Variants in PTCH2 observed in about 807,000 individuals in gnomAD.
PTCH2 encodes the protein patched 2, also known as protein patched homolog 2.
Under a neutral mutation model 117.9 loss-of-function variants are expected in PTCH2, and 96 were observed. The ratio of observed to expected loss-of-function variants is 0.81; its 90% CI spans 0.69 to 0.96. The LOEUF is 0.96. PTCH2 is among the 50% of genes least tolerant of loss of function. The pLI is 0.00. For missense variants in PTCH2, 1,379 were observed against 1,562.5 expected, an observed-to-expected ratio of 0.88 and a Z score of 1.98; for synonymous variants, 615 against 660.9, an observed-to-expected ratio of 0.93 and a Z score of 1.06.
chr1:44,821,794 A>T, downstream of PTCH2: 1 of 1,340,600 alleles, frequency 7.5e-7, no homozygotes, highest in Non-Finnish European at 9.9e-7. Flanking sequence ...ATATGACAAA[A>T]ATCCAGAATC....
Position 44,830,929 on chromosome 1 carries a change from G to A in PTCH2, c.732C>T (p.Gly244=), listed in dbSNP as rs768300339. The A allele has an allele frequency of 5.9e-5, 94 of 1,601,682 alleles. No individual in the cohort carries two copies. The South Asian group carries it at 9.7e-4, about 17-fold the overall frequency. The change falls in exon 6 of 22, where the codon GGC becomes GGT. Residue 244 remains glycine, a synonymous_variant. Coordinates refer to ENST00000372192, the MANE Select transcript of PTCH2 (RefSeq NM_003738.5). ...FRELLDKAQV[G]QAYVGRPCLH... ...GACAGGGCCGCCCCACGTAGGCCTGGCCCACCTGTGCCTTGTCTAGCAGCT... is the reference window on the plus strand; with the variant it reads ...GACAGGGCCGCCCCACGTAGGCCTGACCCACCTGTGCCTTGTCTAGCAGCT...
chr1:44,828,183 G>A lies in PTCH2; in HGVS notation c.1718C>T (p.Ser573Phe), dbSNP rs561039899. 7.6e-5 allele frequency: 122 copies of A among 1,613,590 alleles called. 1 individual carries two copies. In the South Asian group the frequency reaches 1.3e-3, roughly 17 times the overall value. Reference sequence around the variant, plus strand: ...GGGCAGGATCTGAATCACCTGAGCAGAGCAGGGACTGGAAGAGGTAGAGAG... The same window carrying A: ...GGGCAGGATCTGAATCACCTGAGCAAAGCAGGGACTGGAAGAGGTAGAGAG... ...DVLCCFSSPC[S>F]AQVIQILPQE... The change falls in exon 14 of 22, where the codon TCT becomes TTT. Residue 573 changes from serine (S) to phenylalanine (F), a missense_variant. By Grantham distance (155) the Ser-to-Phe change is radical. Coordinates refer to ENST00000372192, the MANE Select transcript of PTCH2 (RefSeq NM_003738.5).
rs1180428685 is a variant in PTCH2, at chr1:44,826,480, GCACT to G, written c.2976+4_2976+7del. ...GGTGTCTCTGTCCCCACTCCTGCAA[GCACT>G]CACTATGAGGCCAGCCGTCCAGGGG... On this transcript the variant is annotated splice_donor_5th_base_variant and intron_variant, in intron 18 of 21. Coordinates refer to ENST00000372192, the MANE Select transcript of PTCH2 (RefSeq NM_003738.5). This position sits in a 1 kb window ranked among gnomAD's most constrained non-coding sequence, Gnocchi z 5.1. 6.2e-7 allele frequency: 1 copy of G among 1,613,718 alleles called. No individual in the cohort carries two copies. The highest frequency in any genetic ancestry group is 1.3e-5 in the African/African-American group (1 of 74,922).
At chr1:44,830,104 C>T (rs1310287458) in intron 6 of PTCH2, 74 bp from the exon 7 acceptor site, 1 of 1,581,350 alleles carries the variant, frequency 6.3e-7, no homozygotes, top group Non-Finnish European at 8.6e-7. Flanking sequence ...GCTTCCACCT[C>T]CAGGAACCAC....
intron 7 of PTCH2, 25 bp downstream of exon 7, chr1:44,829,884 C>T (rs779303880): frequency 6.2e-7 from 1 of 1,614,042 alleles, no homozygotes; most frequent in African/African-American, 1.3e-5. Flanking sequence ...AGAGTCCCCT[C>T]ACCAACTCCC....
chr1:44,825,957 G>C (rs1011293773), intron 19 of PTCH2, among the ~76,000 whole-genome samples: 5 of 149,310 alleles, frequency 3.3e-5, no homozygotes, highest in African/African-American at 1.2e-4. Flanking sequence ...AAGCAATTCT[G>C]CCTCAGCCTC....
chr1:44,839,365 A>AAAAAAAAAC (rs1653834603), intron 2 of PTCH2, among the ~76,000 whole-genome samples: 1 of 98,652 alleles, frequency 1.0e-5, no homozygotes, highest in Non-Finnish European at 2.2e-5. Flanking sequence ...TACTCTCAAA[A>AAAAAAAAAC]AAAAAAAAAA....
intron 21 of PTCH2, 84 bp from the exon 22 acceptor site, chr1:44,822,753 C>T: frequency 7.0e-7 from 1 of 1,434,954 alleles, no homozygotes; most frequent in Non-Finnish European, 9.8e-7. Flanking sequence ...ATTACCATGA[C>T]TGTTGGGAAG....
In PTCH2 at chr1:44,831,016, G is replaced by A. The variant is rs1430821032; in HGVS notation, c.645C>T (p.Asn215=). 1 of 1,612,034 alleles carries A rather than the reference G, an allele frequency of 6.2e-7. No individual in the cohort carries two copies. Among genetic ancestry groups the A allele is most frequent in the Non-Finnish European group, 8.5e-7 (1 of 1,179,474 alleles). Residue 215 remains asparagine (N), a synonymous_variant, in exon 6 of 22, where the codon AAC becomes AAT. Coordinates refer to ENST00000372192, the MANE Select transcript of PTCH2 (RefSeq NM_003738.5). The surrounding 1 kb of genome is among the most constrained non-coding windows in gnomAD (Gnocchi z 4.3). ...LPGRPDIQWT[N]LDPEQLLEEL... ...CCTCCAGCAGCTGCTCTGGATCCAG[G>A]TTGGTCCACTGGATATCCGGGCGGC...
Position 44,828,178 on chromosome 1 carries a change from G to C in PTCH2, c.1723C>G (p.Gln575Glu). The C allele has an allele frequency of 6.2e-7, 1 of 1,613,638 alleles. No individual in the cohort carries two copies. Among genetic ancestry groups the C allele is most frequent in the Non-Finnish European group, 8.5e-7 (1 of 1,180,036 alleles). ...TCCTGGGGCAGGATCTGAATCACCT[G>C]AGCAGAGCAGGGACTGGAAGAGGTA... ...LCCFSSPCSA[Q>E]VIQILPQELG... The change falls in exon 14 of 22, where the codon CAG (glutamine) becomes GAG (glutamate). Residue 575 changes from glutamine to glutamate, a missense_variant. Gln to Glu is a conservative substitution (Grantham distance 29, BLOSUM62 2). Transcript: ENST00000372192.
rs1653961388 is a variant in PTCH2 at position 44,841,873 on chromosome 1, G to T, written c.239C>A (p.Thr80Lys). The change falls in exon 2 of 22, where the codon ACA becomes AAA. Residue 80 changes from threonine to lysine, a missense_variant. Coordinates refer to ENST00000372192, the MANE Select transcript of PTCH2 (RefSeq NM_003738.5). ...ALGLRMAIIE[T>K]NLEQLWVEVG... ...TTCTACCCAGAGCTGTTCCAAGTTT[G>T]TCTCAATAATGGCCATGCGGAGACC... 8.1e-6 allele frequency: 13 copies of T among 1,614,096 alleles called. No individual in the cohort carries two copies. Among genetic ancestry groups the T allele is most frequent in the Middle Eastern group, 1.6e-4 (1 of 6,084 alleles).
chr1:44,833,151 C>T (rs968963213), intron 2 of PTCH2, among the ~76,000 whole-genome samples: 4 of 152,188 alleles, frequency 2.6e-5, no homozygotes, highest in African/African-American at 9.6e-5. Flanking sequence ...TCTTAGCGCC[C>T]CTCCAGTCCT....
At chr1:44,828,862 G>A in intron 11 of PTCH2, 120 bp downstream of exon 11, 1 of 1,258,902 alleles carries the variant, frequency 7.9e-7, no homozygotes, top group South Asian at 1.3e-5. Context: ...TATTTCCCCT[G>A]TTTACAGATG....
chr1:44,831,066 G>A lies in PTCH2; in HGVS notation c.618-23C>T, dbSNP rs557630608. The A allele has an allele frequency of 2.5e-6, 4 of 1,606,394 alleles. No individual in the cohort carries two copies. The South Asian group carries it at 3.3e-5, about 13-fold the overall frequency. Reference sequence around the variant, plus strand: ...CCGCTGAGGGAAAAGCCTATAGTTGGTGAGGGTCAGGGACGAAAACCCAGG... The same window carrying A: ...CCGCTGAGGGAAAAGCCTATAGTTGATGAGGGTCAGGGACGAAAACCCAGG... On this transcript the variant is annotated intron_variant, in intron 5 of 21. Coordinates refer to ENST00000372192, the MANE Select transcript of PTCH2 (RefSeq NM_003738.5). The surrounding 1 kb of genome is among the most constrained non-coding windows in gnomAD (Gnocchi z 4.3).
At chr1:44,832,838 G>C (rs1472153669) in intron 2 of PTCH2, among the ~76,000 whole-genome samples, 1 of 152,168 alleles carries the variant, frequency 6.6e-6, no homozygotes, top group Non-Finnish European at 1.5e-5. Flanking sequence ...GTTGCTCTGG[G>C]CAGTGATTTA....
At chr1:44,820,581 C>A, downstream of PTCH2, 1 of 680,242 alleles carries the variant, frequency 1.5e-6, no homozygotes, top group South Asian at 1.6e-5. Context: ...GTGTTCTAGG[C>A]AGAGGGAATG....
At position 44,831,954 on chromosome 1, in the gene PTCH2, A is replaced by T; in HGVS notation, c.525+21T>A. ...ACGCTACAGAAAAAGTTCTGCCTCT[A>T]CTCCCTCTCAGGACACTTACCCGCT... On this transcript the variant is annotated intron_variant, in intron 4 of 21. Coordinates refer to ENST00000372192, the MANE Select transcript of PTCH2 (RefSeq NM_003738.5). This position sits in a 1 kb window ranked among gnomAD's most constrained non-coding sequence, Gnocchi z 4.3. The T allele has an allele frequency of 6.3e-7, 1 of 1,599,854 alleles. No homozygotes were observed. Among genetic ancestry groups the T allele is most frequent in the Admixed American group, 1.7e-5 (1 of 59,896 alleles).
intron 6 of PTCH2, 136 bp from the exon 7 acceptor site, chr1:44,830,166 T>G: frequency 8.2e-7 from 1 of 1,224,358 alleles, no homozygotes; most frequent in Non-Finnish European, 1.1e-6. Flanking sequence ...TCTGAGCCTC[T>G]TGACTGCTCT....
Position 44,829,044 on chromosome 1 carries a change from C to T in PTCH2, c.1402G>A (p.Val468Met), listed in dbSNP as rs762951960. ...VLPFLALGIG[V>M]DDVFLLAHAF... ...TGCGCCAGCAGGAATACGTCATCCA[C>T]GCCGATTCCCAGAGCCAAGAAGGGC... The change falls in exon 11 of 22, where the codon GTG becomes ATG. Residue 468 changes from valine (V) to methionine (M), a missense_variant. Transcript: ENST00000372192. 1.9e-5 allele frequency: 30 copies of T among 1,600,656 alleles called. No individual in the cohort carries two copies. The highest frequency in any genetic ancestry group is 2.5e-5 in the Non-Finnish European group (29 of 1,173,556).
Sources: gnomAD v4.1 joint callset for allele counts (sites outside exome capture counted in the v4.1 genomes callset) on GRCh38, gnomAD v4.1.1 for gene constraint, Gnocchi (gnomAD v3.1) non-coding constraint, MANE v1.5 for transcripts, NCBI Gene and HGNC (gene_info 2026-07-23, HGNC 2026-07-21) for gene names.